Variants in DFFB observed in about 807,000 individuals in gnomAD.
DFFB encodes the protein DNA fragmentation factor subunit beta, also known as DNA fragmentation factor 40 kDa subunit.
A neutral mutation model predicts 32.7 loss-of-function variants in DFFB; 29 were observed. That is an observed-to-expected ratio of 0.89 (90% CI 0.66 to 1.21). DFFB has a LOEUF of 1.21. Ranked by LOEUF, DFFB falls within the 50% of genes most tolerant of loss-of-function variation. DFFB has a pLI of 0.00. For synonymous variants in DFFB, 170 were observed against 177.1 expected, an observed-to-expected ratio of 0.96 and a Z score of 0.32; for missense variants, 398 against 440.6, an observed-to-expected ratio of 0.90 and a Z score of 0.87.
chr1:3,866,518 G>C (rs1229702066), intron 3 of DFFB: 2 of 178,310 alleles, frequency 1.1e-5, no homozygotes, highest in Admixed American at 1.2e-4. Flanking sequence ...GATTACAGGC[G>C]GGAGCCACCC....
chr1:3,867,992 A>G lies in DFFB; in HGVS notation c.449A>G (p.Gln150Arg). The G allele has an allele frequency of 6.2e-7, 1 of 1,614,164 alleles. No homozygotes were observed. The highest frequency in any genetic ancestry group is 1.1e-5 in the South Asian group (1 of 91,082). Residue 150 changes from glutamine (Q) to arginine (R), a missense_variant, in exon 4 of 7, where the codon CAG becomes CGG. Transcript: ENST00000378209. Reference protein sequence around the residue: ...PWFEGLESRFQSKSGYLRYSC... With the variant: ...PWFEGLESRFRSKSGYLRYSC... ...CTTGCAGGCTTGGAGTCCCGATTTC[A>G]GAGCAAGTCTGGCTATCTGAGATAC...
At chr1:3,872,643 T>TGCCGCG in intron 6 of DFFB, 71 bp downstream of exon 6, 1 of 1,377,010 alleles carries the variant, frequency 7.3e-7, no homozygotes, top group Non-Finnish European at 1.0e-6. Flanking sequence ...GCCCTGTCCC[T>TGCCGCG]GCCATGGCCC....
intron 3 of DFFB, chr1:3,866,499 AAGTGCT>A (rs1644983241): frequency 1.6e-5 from 3 of 189,388 alleles, no homozygotes; most frequent in African/African-American, 2.4e-5. Context: ...CAGCCTCCCA[AAGTGCT>A]AGGATTACAG....
intron 2 of DFFB, among the ~76,000 whole-genome samples, chr1:3,859,719 C>G (rs1008344790): frequency 6.6e-6 from 1 of 152,300 alleles, no homozygotes; most frequent in Non-Finnish European, 1.5e-5. Context: ...GGTTGCAAAC[C>G]CCCTTTCTCC....
At chr1:3,858,276 A>G (rs1172150024) in intron 1 of DFFB, among the ~76,000 whole-genome samples, 1 of 152,178 alleles carries the variant, frequency 6.6e-6, no homozygotes, top group Non-Finnish European at 1.5e-5. Context: ...ACTCCAACAA[A>G]TTAACAGTGC....
chr1:3,858,900 G>A (rs1171606477), intron 2 of DFFB, 56 bp downstream of exon 2: 1 of 1,596,600 alleles, frequency 6.3e-7, no homozygotes, highest in Admixed American at 1.7e-5. Flanking sequence ...CGAGGTCCTG[G>A]GGGCTTAGCT....
At chr1:3,858,605 G>A in intron 1 of DFFB, 113 bp from the exon 2 acceptor site, 3 of 1,371,886 alleles carry the variant, frequency 2.2e-6, no homozygotes, top group Non-Finnish European at 3.0e-6. Flanking sequence ...ACAGGCGGCA[G>A]CCTGAGCCTG....
chr1:3,882,373 C>CT (rs1014048103), intron 6 of DFFB, among the ~76,000 whole-genome samples: 89 of 148,712 alleles, frequency 6.0e-4, no homozygotes, highest in African/African-American at 1.7e-3. Context: ...TTTTTGTTTT[C>CT]TTTTTTTTTT....
At chr1:3,872,954 G>A in intron 6 of DFFB, 1 of 1,232,698 alleles carries the variant, frequency 8.1e-7, no homozygotes, top group Non-Finnish European at 1.0e-6. Context: ...AGCTCAGACA[G>A]CGGGAGCTCC....
At chr1:3,867,897 C>T in intron 3 of DFFB, 77 bp from the exon 4 acceptor site, 2 of 1,348,632 alleles carry the variant, frequency 1.5e-6, no homozygotes, top group Non-Finnish European at 2.1e-6. Context: ...TGCTTGGCAC[C>T]TGGGCTGGGC....
At chr1:3,861,745 C>A (rs375579209) in intron 2 of DFFB, among the ~76,000 whole-genome samples, 4 of 152,146 alleles carry the variant, frequency 2.6e-5, no homozygotes, top group Non-Finnish European at 5.9e-5. Flanking sequence ...CAGGTTTTTG[C>A]GAGATGTAGG....
intron 4 of DFFB, 110 bp downstream of exon 4, chr1:3,868,163 T>C: frequency 1.0e-6 from 1 of 975,840 alleles, no homozygotes; most frequent in Non-Finnish European, 1.7e-6. Context: ...CCACACTCCG[T>C]GCTTGCGTGG....
rs371788433 is a variant in DFFB at position 3,867,985 on chromosome 1, C to T, written c.442C>T (p.Arg148Ter). The change falls in exon 4 of 7, where the codon CGA (arginine) becomes TGA (stop). Residue 148 changes from arginine (R) to a stop codon, truncating the protein, a stop_gained. Transcript: ENST00000378209. LOFTEE classifies it high-confidence loss of function. ...DPPWFEGLES[R>*]FQSKSGYLRY... The stretch of plus-strand genomic sequence containing the variant: ...CGTTTTCCTTGCAGGCTTGGAGTCC[C>T]GATTTCAGAGCAAGTCTGGCTATCT... 196 of 1,614,098 alleles carry T rather than the reference C, an allele frequency of 1.2e-4. 1 individual carries two copies. In the South Asian group the frequency reaches 1.9e-3, roughly 16 times the overall value.
intron 6 of DFFB, among the ~76,000 whole-genome samples, chr1:3,878,297 A>G (rs1189040144): frequency 1.3e-5 from 2 of 151,904 alleles, no homozygotes; most frequent in African/African-American, 2.4e-5. Flanking sequence ...GATTACAGGC[A>G]CCTGCCACCA....
chr1:3,882,493 C>A (rs563633773), intron 6 of DFFB, among the ~76,000 whole-genome samples: 1 of 151,488 alleles, frequency 6.6e-6, no homozygotes, highest in Admixed American at 6.6e-5. Context: ...GCCTCCTGGG[C>A]AGCTGGGATT....
rs5772128 is a variant in DFFB, at chr1:3,877,328, G to GTTTTTTTTTTT, written c.782+4765_782+4775dup. On this transcript the variant is annotated intron_variant, in intron 6 of 6. Coordinates refer to ENST00000378209, the MANE Select transcript of DFFB (RefSeq NM_004402.4). Reference sequence around the variant, plus strand: ...GCATGAGTTGTGTCTTGGGAGTTCAGTTTTTTTTTTTTTTTTTTTGAGGCA... The same window carrying GTTTTTTTTTTT: ...GCATGAGTTGTGTCTTGGGAGTTCAGTTTTTTTTTTTTTTTTTTTTTTTTTTTTTTGAGGCA... 2.4e-4 allele frequency among the ~76,000 whole-genome samples: 27 copies of GTTTTTTTTTTT among 113,878 alleles called. 1 individual carries two copies. The highest frequency in any genetic ancestry group is 8.6e-4 in the African/African-American group (24 of 27,932). 74.7% of individuals were successfully genotyped at this position (113,878 alleles called of 152,430 possible). A position where few individuals can be genotyped will look rare whatever the true frequency, so the allele number is the denominator to read the frequency against.
intron 2 of DFFB, among the ~76,000 whole-genome samples, chr1:3,862,190 C>T (rs1250725027): frequency 6.6e-6 from 1 of 152,116 alleles, no homozygotes; most frequent in Non-Finnish European, 1.5e-5. Context: ...CTGAAAACTG[C>T]AAAATGTTGT....
chr1:3,884,423 T>C lies in DFFB; in HGVS notation c.*682T>C, dbSNP rs1638300197. 6.6e-6 allele frequency: 1 copy of C among 152,658 alleles called. No individual in the cohort carries two copies. The allele number at this position is 152,658 out of a possible 1,614,324, so 9.5% of individuals were successfully genotyped here. A position where few individuals can be genotyped will look rare whatever the true frequency, so the allele number is the denominator to read the frequency against. On this transcript the variant is annotated 3_prime_UTR_variant, in exon 7 of 7. Coordinates refer to ENST00000378209, the MANE Select transcript of DFFB (RefSeq NM_004402.4). ...CCTTGCTTGAGGGACAAGTTGTTTA[T>C]GTATCAGCTCTCTGCTGGGTCTCCC...
intron 6 of DFFB, among the ~76,000 whole-genome samples, chr1:3,875,281 A>T (rs977465253): frequency 2.0e-5 from 3 of 152,252 alleles, no homozygotes; most frequent in African/African-American, 7.2e-5. Context: ...ACTTTCAAGC[A>T]TTAGCAACAT....
Sources: gnomAD v4.1 joint callset for allele counts (sites outside exome capture counted in the v4.1 genomes callset) on GRCh38, gnomAD v4.1.1 for gene constraint, MANE v1.5 for transcripts, NCBI Gene and HGNC (gene_info 2026-07-23, HGNC 2026-07-21) for gene names.